The following TAFA1 variants were observed in gnomAD, a reference collection of about 807,000 sequenced individuals.
The protein encoded by TAFA1 is chemokine-like protein TAFA-1.
A neutral mutation model predicts 18.5 loss-of-function variants in TAFA1; 4 were observed. The ratio of observed to expected loss-of-function variants is 0.22; its 90% CI spans 0.11 to 0.49. The LOEUF (loss-of-function observed/expected upper bound fraction) is 0.49. TAFA1 is among the 20% of genes least tolerant of loss of function. The probability of loss-of-function intolerance (pLI) is 0.98; values close to 1 mark genes in which losing one functional copy is unlikely to be tolerated. For missense variants in TAFA1, 147 were observed against 169.0 expected (o/e 0.87, Z 0.72); for synonymous variants, 56 against 55.2 (o/e 1.01, Z -0.06).
chr3:68,346,397 A>G lies in TAFA1; in HGVS notation c.119-70883A>G, dbSNP rs148918853. Among the ~76,000 whole-genome samples the G allele has an allele frequency of 4.8e-3, 729 of 152,158 alleles. 6 individuals carry two copies. Among genetic ancestry groups the G allele is most frequent in the African/African-American group, 0.016 (648 of 41,520 alleles). ...GGTCTCAAACTCCTGGGCTCACGCA[A>G]TCCACCCACCTCAGCCTCTCAAAGT... On this transcript the variant is annotated intron_variant, in intron 2 of 4. Coordinates refer to ENST00000478136, the MANE Select transcript of TAFA1 (RefSeq NM_213609.4).
chr3:68,099,965 A>G (rs1198871893), intron 2 of TAFA1, among the ~76,000 whole-genome samples: 2 of 151,936 alleles, frequency 1.3e-5, no homozygotes, highest in Non-Finnish European at 2.9e-5. Flanking sequence ...CATGGACATA[A>G]AGGTGGAAAT....
chr3:68,105,645 C>T (rs1194130891), intron 2 of TAFA1, among the ~76,000 whole-genome samples: 1 of 151,926 alleles, frequency 6.6e-6, no homozygotes, highest in Non-Finnish European at 1.5e-5. Flanking sequence ...AGATAAATAC[C>T]AAATTTCACG....
intron 3 of TAFA1, among the ~76,000 whole-genome samples, chr3:68,487,002 T>A (rs2072355380): frequency 6.6e-6 from 1 of 152,174 alleles, no homozygotes; most frequent in African/African-American, 2.4e-5. Flanking sequence ...TGAAATCAAA[T>A]ACCAGAAATA....
chr3:68,491,794 G>A (rs991227688), intron 3 of TAFA1, among the ~76,000 whole-genome samples: 9 of 152,080 alleles, frequency 5.9e-5, no homozygotes, highest in African/African-American at 2.2e-4. Flanking sequence ...TTATGGATGG[G>A]CACTGTCAGC....
chr3:68,010,718 A>C (rs998550190), intron 2 of TAFA1, among the ~76,000 whole-genome samples: 2 of 152,252 alleles, frequency 1.3e-5, no homozygotes, highest in Non-Finnish European at 2.9e-5. Context: ...TTAAAATTAC[A>C]CTAATGAGTA....
At chr3:68,426,663 C>T (rs535574240) in intron 3 of TAFA1, among the ~76,000 whole-genome samples, 10 of 151,934 alleles carry the variant, frequency 6.6e-5, no homozygotes, top group Middle Eastern at 3.4e-3. Context: ...CGGTGATAAA[C>T]GGCTTACAAA....
At position 68,538,832 on chromosome 3, in the gene TAFA1, C is replaced by A. The variant is rs1285991842; in HGVS notation, c.336C>A (p.Asp112Glu). 1.2e-6 allele frequency: 2 copies of A among 1,613,536 alleles called. No homozygotes were observed. The highest frequency in any genetic ancestry group is 1.7e-6 in the Non-Finnish European group (2 of 1,179,630). ...GAGAAGAATGTAAGACACTCCCTGA[C>A]AATTCTGGATGGATGTGCGCAACAG... Reference protein sequence around the residue: ...LEGEECKTLPDNSGWMCATGN... With the variant: ...LEGEECKTLPENSGWMCATGN... Residue 112 changes from aspartate to glutamate, a missense_variant, in exon 4 of 5, where the codon GAC becomes GAA. Physicochemically the swap from Asp to Glu is conservative, Grantham distance 45. Coordinates refer to ENST00000478136, the MANE Select transcript of TAFA1 (RefSeq NM_213609.4).
intron 2 of TAFA1, among the ~76,000 whole-genome samples, chr3:68,094,045 C>A (rs565693107): frequency 6.6e-6 from 1 of 152,148 alleles, no homozygotes; most frequent in South Asian, 2.1e-4. Context: ...TGACAGTCAA[C>A]ATGTATAAGG....
At chr3:68,411,022 C>A (rs945009063) in intron 2 of TAFA1, among the ~76,000 whole-genome samples, 2 of 152,156 alleles carry the variant, frequency 1.3e-5, no homozygotes, top group African/African-American at 4.8e-5. Context: ...TAACTCTTCC[C>A]TTTCATTGGG....
At chr3:68,015,617 A>C (rs921666400) in intron 2 of TAFA1, among the ~76,000 whole-genome samples, 4 of 152,158 alleles carry the variant, frequency 2.6e-5, no homozygotes, top group Non-Finnish European at 5.9e-5. Context: ...GGTTGGGAAA[A>C]AACAGTAATC....
At chr3:68,484,614 G>C (rs1404927076) in intron 3 of TAFA1, among the ~76,000 whole-genome samples, 1 of 152,172 alleles carries the variant, frequency 6.6e-6, no homozygotes, top group Non-Finnish European at 1.5e-5. Flanking sequence ...AGAATGAGGA[G>C]TTTGGGTTTA....
rs2064586772 is a variant in TAFA1 at position 68,060,286 on chromosome 3, A to G, written c.118+53542A>G. On this transcript the variant is annotated intron_variant, in intron 2 of 4. Transcript: ENST00000478136. ...TTCCTAAATTGCCAGTGCCCTCACA[A>G]TTTTTCACAATCCCTGTCTTCCTCA... Among the ~76,000 whole-genome samples the G allele has an allele frequency of 3.3e-5, 5 of 151,236 alleles. No individual in the cohort carries two copies. The South Asian group carries it at 1.0e-3, about 32-fold the overall frequency.
chr3:68,255,705 A>G (rs1043306612), intron 2 of TAFA1, among the ~76,000 whole-genome samples: 1 of 151,962 alleles, frequency 6.6e-6, no homozygotes, highest in African/African-American at 2.4e-5. Flanking sequence ...TTTATGAAGG[A>G]TAATGATTTA....
intron 2 of TAFA1, among the ~76,000 whole-genome samples, chr3:68,158,030 G>A (rs1053290819): frequency 6.6e-5 from 10 of 152,156 alleles, no homozygotes; most frequent in East Asian, 5.8e-4. Flanking sequence ...TAGAATGAGC[G>A]GAAATTAAAA....
chr3:68,048,825 T>A (rs1303276644), intron 2 of TAFA1, among the ~76,000 whole-genome samples: 1 of 152,194 alleles, frequency 6.6e-6, no homozygotes, highest in Non-Finnish European at 1.5e-5. Flanking sequence ...TACTCTATTG[T>A]GCGTATGTAC....
At chr3:68,415,394 A>G (rs1009525205) in intron 2 of TAFA1, among the ~76,000 whole-genome samples, 1 of 152,170 alleles carries the variant, frequency 6.6e-6, no homozygotes, top group African/African-American at 2.4e-5. Flanking sequence ...TGCTAATAGA[A>G]TGAACAAAGG....
intron 2 of TAFA1, among the ~76,000 whole-genome samples, chr3:68,212,097 T>C (rs2066604456): frequency 6.6e-6 from 1 of 151,886 alleles, no homozygotes; most frequent in Non-Finnish European, 1.5e-5. Flanking sequence ...GTAGCCACAG[T>C]GGGCTTTCCT....
At chr3:67,999,064 C>T in the TAFA1 span, among the ~76,000 whole-genome samples, 3 of 152,150 alleles carry the variant, frequency 2.0e-5, no homozygotes, top group Non-Finnish European at 1.5e-5. Context: ...TATTCTAGAA[C>T]TGTGCTGTCC....
chr3:68,283,404 G>T (rs926511447), intron 2 of TAFA1, among the ~76,000 whole-genome samples: 1 of 152,172 alleles, frequency 6.6e-6, no homozygotes, highest in Non-Finnish European at 1.5e-5. Context: ...GGCCTAGTTT[G>T]AGGGCAATTA....
Sources: gnomAD v4.1 joint callset for allele counts (sites outside exome capture counted in the v4.1 genomes callset) on GRCh38, gnomAD v4.1.1 for gene constraint, MANE v1.5 for transcripts, NCBI Gene and HGNC (gene_info 2026-07-23, HGNC 2026-07-21) for gene names.